Variants in SNTG1 observed in about 807,000 individuals in gnomAD.
SNTG1 encodes the protein gamma-1-syntrophin.
SNTG1 carries 39 observed loss-of-function variants against 74.7 expected under a neutral mutation model. The ratio of observed to expected loss-of-function variants is 0.52; its 90% confidence interval spans 0.40 to 0.68. The LOEUF is 0.68. SNTG1 is among the 30% of genes least tolerant of loss of function. The pLI is 0.00. For missense variants in SNTG1, 685 were observed against 609.5 expected (o/e 1.12, Z -1.30); for synonymous variants, 254 against 217.1 (o/e 1.17, Z -1.49).
intron 13 of SNTG1, among the ~76,000 whole-genome samples, chr8:50,602,019 G>A (rs1299612050): frequency 6.6e-6 from 1 of 151,996 alleles, no homozygotes; most frequent in Non-Finnish European, 1.5e-5. Context: ...CAGAGGTGAA[G>A]TGTGTTTACA....
intron 1 of SNTG1, among the ~76,000 whole-genome samples, chr8:50,093,572 C>T (rs1586238499): frequency 6.6e-6 from 1 of 152,022 alleles, no homozygotes; most frequent in South Asian, 2.1e-4. Flanking sequence ...AACTTCATTC[C>T]TGCCTGAAGT....
intron 1 of SNTG1, among the ~76,000 whole-genome samples, chr8:50,141,743 AATGTTCT>A (rs2081665101): frequency 6.6e-6 from 1 of 152,152 alleles, no homozygotes; most frequent in Non-Finnish European, 1.5e-5. Flanking sequence ...ATGTTGTATA[AATGTTCT>A]ACTAGATAGA....
chr8:50,275,612 G>A (rs959709406), intron 2 of SNTG1, among the ~76,000 whole-genome samples: 2 of 152,128 alleles, frequency 1.3e-5, no homozygotes, highest in Non-Finnish European at 2.9e-5. Flanking sequence ...TTCACCATTA[G>A]AAATTGCGGT....
chr8:50,484,832 C>T (rs1001081941), intron 8 of SNTG1, among the ~76,000 whole-genome samples: 60 of 150,884 alleles, frequency 4.0e-4, no homozygotes, highest in African/African-American at 1.4e-3. Context: ...ACACTCCAAC[C>T]TGGGCAACAA....
chr8:50,493,996 G>A (rs191962422), intron 8 of SNTG1, among the ~76,000 whole-genome samples: 65 of 151,578 alleles, frequency 4.3e-4, no homozygotes, highest in Non-Finnish European at 7.8e-4. Flanking sequence ...CGGGGGATAT[G>A]CCAGGGAATT....
chr8:49,960,575 C>A (rs923860010), intron 1 of SNTG1, among the ~76,000 whole-genome samples: 1 of 151,648 alleles, frequency 6.6e-6, no homozygotes, highest in African/African-American at 2.4e-5. Context: ...ATCTAGGGTG[C>A]CTTATAGCCA....
chr8:50,792,098 A>G (rs1225360858), intron 18 of SNTG1, among the ~76,000 whole-genome samples: 1 of 151,100 alleles, frequency 6.6e-6, no homozygotes, highest in Non-Finnish European at 1.5e-5. Flanking sequence ...TTTTTTTAGT[A>G]AATATGCCAC....
rs1563348419 is a variant in SNTG1, at chr8:49,920,757, A to G, written c.-103+8526A>G. 2.6e-5 allele frequency among the ~76,000 whole-genome samples: 4 copies of G among 152,088 alleles called. No homozygotes were observed. The South Asian group carries it at 8.3e-4, about 31-fold the overall frequency. On this transcript the variant is annotated intron_variant, in intron 1 of 18. Coordinates refer to ENST00000642720, the MANE Select transcript of SNTG1 (RefSeq NM_018967.5). ...CATATTTTACAAGCTTCAGGGAACC[A>G]TGGTGGACCAGAGTTGATTCTATTG...
Position 50,052,536 on chromosome 8 carries a change from A to T in SNTG1, c.-102-120025A>T, listed in dbSNP as rs1362097188. Among the ~76,000 whole-genome samples the T allele has an allele frequency of 2.0e-5, 3 of 152,136 alleles. No individual in the cohort carries two copies. The East Asian group carries it at 5.8e-4, about 29-fold the overall frequency. On this transcript the variant is annotated intron_variant, in intron 1 of 18. Coordinates refer to ENST00000642720, the MANE Select transcript of SNTG1 (RefSeq NM_018967.5). ...TAGGCAATTGTTTCTTGGCTATGCC[A>T]ACAAAATCACAAGGAAAAAATTTAA...
At chr8:50,717,027 C>T (rs528796878) in intron 17 of SNTG1, among the ~76,000 whole-genome samples, 8 of 152,138 alleles carry the variant, frequency 5.3e-5, no homozygotes, top group African/African-American at 4.8e-5. Flanking sequence ...TGAGCCACCG[C>T]GCCCAGCTCT....
At chr8:50,287,886 G>A (rs1315302095) in intron 2 of SNTG1, among the ~76,000 whole-genome samples, 1 of 148,304 alleles carries the variant, frequency 6.7e-6, no homozygotes, top group Admixed American at 6.7e-5. Context: ...TATTTACTGT[G>A]TCCTTTCCAC....
intron 1 of SNTG1, among the ~76,000 whole-genome samples, chr8:50,099,543 T>C (rs1033045521): frequency 1.1e-4 from 17 of 152,138 alleles, no homozygotes; most frequent in Admixed American, 5.9e-4. Flanking sequence ...GGTAGATCTA[T>C]ATGCAGCTTC....
chr8:49,926,876 G>A (rs1386357077), intron 1 of SNTG1, among the ~76,000 whole-genome samples: 5 of 152,170 alleles, frequency 3.3e-5, no homozygotes, highest in East Asian at 1.9e-4. Flanking sequence ...TATACAAAGA[G>A]CACTTCAAGC....
rs572726892 is a variant in SNTG1, at chr8:50,441,391, A to C, written c.219+2792A>C. 2.6e-5 allele frequency among the ~76,000 whole-genome samples: 4 copies of C among 152,284 alleles called. No homozygotes were observed. In the East Asian group the frequency reaches 7.7e-4, roughly 29 times the overall value. On this transcript the variant is annotated intron_variant, in intron 5 of 18. Coordinates refer to ENST00000642720, the MANE Select transcript of SNTG1 (RefSeq NM_018967.5). Reference sequence around the variant, plus strand: ...TACAAACTTCTGGGACAAAACGTGCAGGTGGCTTGGAGGTTGAGGCAGTTC... The same window carrying C: ...TACAAACTTCTGGGACAAAACGTGCCGGTGGCTTGGAGGTTGAGGCAGTTC...
Position 50,502,816 on chromosome 8 carries a change from AAC to A in SNTG1, c.404_405del (p.Thr135SerfsTer17). Reference sequence around the variant, plus strand: ...GGAATGCTGGAGAAGAAGTGACTCTAACAGTGTCATTTTTAAAAAGAGCACCT... The same window carrying A: ...GGAATGCTGGAGAAGAAGTGACTCTAAGTGTCATTTTTAAAAAGAGCACCT... ...LRNAGEEVTL[T>X]VSFLKRAPAF... On this transcript the variant is annotated frameshift_variant, in exon 9 of 19. Transcript: ENST00000642720. LOFTEE classifies it high-confidence loss of function. 1 of 1,613,452 alleles carries A rather than the reference AAC, an allele frequency of 6.2e-7. No homozygotes were observed. The highest frequency in any genetic ancestry group is 1.1e-5 in the South Asian group (1 of 91,042).
chr8:50,298,930 A>G (rs1471695461), intron 2 of SNTG1, among the ~76,000 whole-genome samples: 1 of 152,168 alleles, frequency 6.6e-6, no homozygotes, highest in East Asian at 1.9e-4. Context: ...AAAATCAACC[A>G]TAAGAAATAA....
At chr8:50,079,193 T>C (rs918059614) in intron 1 of SNTG1, among the ~76,000 whole-genome samples, 2 of 152,248 alleles carry the variant, frequency 1.3e-5, no homozygotes, top group African/African-American at 4.8e-5. Context: ...AAAGCATTCC[T>C]GTTCCTGCAC....
chr8:49,951,540 T>C (rs1447936446), intron 1 of SNTG1, among the ~76,000 whole-genome samples: 3 of 149,642 alleles, frequency 2.0e-5, no homozygotes, highest in Admixed American at 1.3e-4. Context: ...TTCTCACTCA[T>C]AGGTGGGAAT....
chr8:49,940,660 A>G (rs999135951), intron 1 of SNTG1, among the ~76,000 whole-genome samples: 4 of 152,166 alleles, frequency 2.6e-5, no homozygotes, highest in African/African-American at 4.8e-5. Flanking sequence ...TTGAGGACCT[A>G]ACATGTGCCC....
Sources: gnomAD v4.1 joint callset for allele counts (sites outside exome capture counted in the v4.1 genomes callset) on GRCh38, gnomAD v4.1.1 for gene constraint, MANE v1.5 for transcripts, NCBI Gene and HGNC (gene_info 2026-07-23, HGNC 2026-07-21) for gene names.